The following PIP4K2A variants were observed in gnomAD, a reference collection of about 807,000 sequenced individuals.
The protein encoded by PIP4K2A is phosphatidylinositol-5-phosphate 4-kinase type 2 alpha.
Under a neutral mutation model 42.9 loss-of-function variants are expected in PIP4K2A, and 14 were observed. That is an observed-to-expected ratio of 0.33 (90% CI 0.22 to 0.51). The LOEUF (loss-of-function observed/expected upper bound fraction) is 0.51, where lower values mean the gene tolerates loss of function less well. Ranked by LOEUF, PIP4K2A falls within the 20% of genes least tolerant of loss-of-function variation. PIP4K2A has a pLI of 0.97. For synonymous variants in PIP4K2A, 192 were observed against 192.2 expected (o/e 1.00, Z 0.01); for missense variants, 434 against 519.8 (o/e 0.83, Z 1.61).
chr10:22,574,176 T>A (rs1386019878), intron 4 of PIP4K2A, among the ~76,000 whole-genome samples: 1 of 75,150 alleles, frequency 1.3e-5, no homozygotes, highest in African/African-American at 5.9e-5. Context: ...CACTTCTCCC[T>A]GAGAGCAGAT....
intron 1 of PIP4K2A, among the ~76,000 whole-genome samples, chr10:22,627,171 T>G (rs1010769594): frequency 2.0e-5 from 3 of 152,242 alleles, no homozygotes; most frequent in Non-Finnish European, 4.4e-5. Flanking sequence ...CATTAATTTC[T>G]CATTCTCCAT....
At chr10:22,597,850 G>A (rs568797118) in intron 3 of PIP4K2A, among the ~76,000 whole-genome samples, 7 of 152,202 alleles carry the variant, frequency 4.6e-5, no homozygotes, top group African/African-American at 1.4e-4. Context: ...TTAGAGGGCT[G>A]GTTTAGTCCT....
At chr10:22,695,266 A>G (rs1301127617) in intron 1 of PIP4K2A, among the ~76,000 whole-genome samples, 1 of 152,216 alleles carries the variant, frequency 6.6e-6, no homozygotes, top group African/African-American at 2.4e-5. Context: ...ACTTCTATGT[A>G]TAAGACAAAA....
At chr10:22,660,389 T>C (rs1026590929) in intron 1 of PIP4K2A, among the ~76,000 whole-genome samples, 11 of 152,106 alleles carry the variant, frequency 7.2e-5, no homozygotes, top group Non-Finnish European at 1.3e-4. Context: ...GAGAACTGCT[T>C]GAACCCGGGA....
intron 4 of PIP4K2A, among the ~76,000 whole-genome samples, chr10:22,584,344 G>A (rs958592714): frequency 5.3e-5 from 8 of 151,816 alleles, no homozygotes; most frequent in Non-Finnish European, 1.5e-5. Flanking sequence ...GATTAGAACA[G>A]TTGAAGAGAC....
chr10:22,638,275 A>T (rs1430632935), intron 1 of PIP4K2A, among the ~76,000 whole-genome samples: 1 of 152,224 alleles, frequency 6.6e-6, no homozygotes, highest in Non-Finnish European at 1.5e-5. Flanking sequence ...TAAGTATATC[A>T]TAGTAAATTA....
At chr10:22,714,092 C>T (rs1256916428) in intron 1 of PIP4K2A, 91 bp downstream of exon 1, 2 of 1,341,622 alleles carry the variant, frequency 1.5e-6, no homozygotes, top group Admixed American at 2.3e-5. Flanking sequence ...TCCGGCTCCC[C>T]GCCCCGCAGC....
intron 1 of PIP4K2A, among the ~76,000 whole-genome samples, chr10:22,611,214 C>G (rs1409397): frequency 0.54 from 82,174 of 151,794 alleles, 24,254 homozygotes; most frequent in East Asian, 0.87. Context: ...CAGAATTCGT[C>G]TCTAACAAAT....
At chr10:22,674,479 C>T (rs1357942909) in intron 1 of PIP4K2A, among the ~76,000 whole-genome samples, 1 of 150,204 alleles carries the variant, frequency 6.7e-6, no homozygotes, top group Admixed American at 6.6e-5. Context: ...AAGTTAATTC[C>T]AGCCATCCAG....
chr10:22,713,348 G>C (rs1230484920), intron 1 of PIP4K2A, among the ~76,000 whole-genome samples: 1 of 152,056 alleles, frequency 6.6e-6, no homozygotes, highest in Non-Finnish European at 1.5e-5. Context: ...CGGCCAACTC[G>C]GGACCCCCTC....
intron 1 of PIP4K2A, among the ~76,000 whole-genome samples, chr10:22,622,815 C>A (rs907286484): frequency 5.3e-5 from 8 of 152,020 alleles, no homozygotes; most frequent in African/African-American, 1.9e-4. Flanking sequence ...TAACATCATG[C>A]AATACTAAAT....
intron 3 of PIP4K2A, among the ~76,000 whole-genome samples, chr10:22,600,723 T>G (rs940361221): frequency 2.0e-5 from 3 of 152,118 alleles, no homozygotes; most frequent in African/African-American, 7.2e-5. Flanking sequence ...GGGTCTGCAG[T>G]TGACATATCT....
chr10:22,610,674 G>T (rs1008930374), intron 1 of PIP4K2A, among the ~76,000 whole-genome samples: 2 of 152,176 alleles, frequency 1.3e-5, no homozygotes, highest in Admixed American at 1.3e-4. Flanking sequence ...AATCCACAGG[G>T]AGTGTGGGGA....
chr10:22,714,091 C>T, intron 1 of PIP4K2A, 92 bp downstream of exon 1: 2 of 1,337,046 alleles, frequency 1.5e-6, no homozygotes, highest in Non-Finnish European at 2.0e-6. Flanking sequence ...CTCCGGCTCC[C>T]CGCCCCGCAG....
intron 8 of PIP4K2A, among the ~76,000 whole-genome samples, chr10:22,541,323 G>A (rs1163533764): frequency 6.6e-6 from 1 of 152,174 alleles, no homozygotes; most frequent in East Asian, 1.9e-4. Flanking sequence ...AATGACAAGA[G>A]GACAAGCTAA....
intron 1 of PIP4K2A, among the ~76,000 whole-genome samples, chr10:22,636,362 C>T (rs1838662178): frequency 6.6e-6 from 1 of 152,150 alleles, no homozygotes; most frequent in African/African-American, 2.4e-5. Context: ...AGGGATCCTC[C>T]CACCTCAGCC....
chr10:22,608,129 C>A, intron 2 of PIP4K2A, 106 bp from the exon 3 acceptor site: 1 of 676,790 alleles, frequency 1.5e-6, no homozygotes, highest in Admixed American at 2.6e-5. Flanking sequence ...GAGTTCACTG[C>A]CTACCAAAAG....
At chr10:22,568,971 GCC>G in intron 5 of PIP4K2A, 1 of 1,454,112 alleles carries the variant, frequency 6.9e-7, no homozygotes, top group Non-Finnish European at 9.3e-7. Context: ...GACATCTATT[GCC>G]CTGGGTTACT....
intron 1 of PIP4K2A, among the ~76,000 whole-genome samples, chr10:22,647,756 T>A (rs1838912997): frequency 1.3e-5 from 2 of 152,136 alleles, no homozygotes. Flanking sequence ...ACTGGGGAAG[T>A]GGCATATTAA....
Sources: gnomAD v4.1 joint callset for allele counts (sites outside exome capture counted in the v4.1 genomes callset) on GRCh38, gnomAD v4.1.1 for gene constraint, MANE v1.5 for transcripts, NCBI Gene and HGNC (gene_info 2026-07-23, HGNC 2026-07-21) for gene names.